The following RBFOX1 variants were observed in gnomAD, a reference collection of about 807,000 sequenced individuals.
The protein encoded by RBFOX1 is RNA binding protein fox-1 homolog 1.
In RBFOX1, 8 loss-of-function variants were observed where a neutral mutation model predicts 57.7. The observed-to-expected ratio is 0.14, with a 90% CI of 0.08 to 0.25. The LOEUF (loss-of-function observed/expected upper bound fraction) is 0.25. Among genes scored for constraint, RBFOX1 ranks in the 10% least tolerant of loss-of-function variants. RBFOX1 has a pLI of 1.00. For missense variants in RBFOX1, 611 were observed against 548.5 expected, an observed-to-expected ratio of 1.11 and a Z score of -1.14; for synonymous variants, 326 against 222.4, an observed-to-expected ratio of 1.47 and a Z score of -4.15.
At chr16:6,885,414 A>G (rs1480431265) in intron 3 of RBFOX1, among the ~76,000 whole-genome samples, 3 of 152,346 alleles carry the variant, frequency 2.0e-5, no homozygotes, top group Admixed American at 2.0e-4. Context: ...TACAAAACCC[A>G]TTTTAATAAC....
At chr16:6,515,327 AT>A (rs2096354063) in intron 2 of RBFOX1, among the ~76,000 whole-genome samples, 1 of 152,188 alleles carries the variant, frequency 6.6e-6, no homozygotes, top group African/African-American at 2.4e-5. Context: ...TGTCAGACAC[AT>A]TGCTTATGCC....
chr16:6,701,507 C>T (rs1367948022), intron 3 of RBFOX1, among the ~76,000 whole-genome samples: 1 of 152,188 alleles, frequency 6.6e-6, no homozygotes, highest in Non-Finnish European at 1.5e-5. Context: ...ACAAGCATGG[C>T]ACCAGCATTT....
At chr16:6,729,488 G>A (rs573170570) in intron 3 of RBFOX1, among the ~76,000 whole-genome samples, 6 of 152,260 alleles carry the variant, frequency 3.9e-5, no homozygotes, top group Admixed American at 2.6e-4. Flanking sequence ...CCATTAAAAT[G>A]TTTTAAAGTG....
At chr16:6,784,576 T>A (rs1356137190) in intron 3 of RBFOX1, among the ~76,000 whole-genome samples, 1 of 152,210 alleles carries the variant, frequency 6.6e-6, no homozygotes, top group African/African-American at 2.4e-5. Context: ...ATTGCCTGTC[T>A]GAGAGGTCAC....
At chr16:5,387,734 C>G (rs1567431511) in intron 1 of RBFOX1, among the ~76,000 whole-genome samples, 2 of 152,192 alleles carry the variant, frequency 1.3e-5, no homozygotes, top group Admixed American at 1.3e-4. Flanking sequence ...ATCCTAATCT[C>G]TGCAACCTGT....
chr16:6,282,914 A>G (rs927383271), intron 1 of RBFOX1, among the ~76,000 whole-genome samples: 1 of 152,226 alleles, frequency 6.6e-6, no homozygotes, highest in African/African-American at 2.4e-5. Context: ...ATTGATCCTT[A>G]CAACCTACTC....
chr16:7,029,274 G>GTA (rs1491586428), intron 3 of RBFOX1, among the ~76,000 whole-genome samples: 2 of 131,290 alleles, frequency 1.5e-5, no homozygotes, highest in Non-Finnish European at 3.2e-5. Context: ...ATACGTATAC[G>GTA]TATATATATA....
Position 5,819,510 on chromosome 16 carries a change from G to A in RBFOX1, c.319-47793G>A, listed in dbSNP as rs373621975. ...GCCACTTCTATGAAACCCTACAGAGGTTTCACTTTGCTTGCAGGAAGCAGT... is the reference window on the plus strand; with the variant it reads ...GCCACTTCTATGAAACCCTACAGAGATTTCACTTTGCTTGCAGGAAGCAGT... On this transcript the variant is annotated intron_variant, in intron 3 of 19. Coordinates refer to the RBFOX1 transcript ENST00000641259. Among the ~76,000 whole-genome samples, 51 of 152,298 alleles carry A rather than the reference G, an allele frequency of 3.3e-4. No homozygotes were observed. The South Asian group carries it at 0.01, about 30-fold the overall frequency.
At chr16:7,531,248 C>T (rs2079993734) in intron 5 of RBFOX1, among the ~76,000 whole-genome samples, 1 of 152,090 alleles carries the variant, frequency 6.6e-6, no homozygotes, top group South Asian at 2.1e-4. Flanking sequence ...AGATGAGGAA[C>T]ATCAAATAGA....
chr16:7,596,094 GT>G (rs78570087), intron 8 of RBFOX1, among the ~76,000 whole-genome samples: 120,515 of 137,604 alleles, frequency 0.88, 52,553 homozygotes, highest in Admixed American at 0.91. Context: ...TTTTTTGTTT[GT>G]TTTTTTTTGT....
At chr16:6,033,748 A>G (rs2095323294) in intron 1 of RBFOX1, among the ~76,000 whole-genome samples, 1 of 152,196 alleles carries the variant, frequency 6.6e-6, no homozygotes, top group African/African-American at 2.4e-5. Flanking sequence ...GAATATCTTC[A>G]ACCGCCACCA....
chr16:6,621,540 A>G (rs535981518), intron 2 of RBFOX1, among the ~76,000 whole-genome samples: 1 of 152,362 alleles, frequency 6.6e-6, no homozygotes, highest in South Asian at 2.1e-4. Flanking sequence ...AAAAATCTCA[A>G]GAGGCTTAAT....
chr16:5,713,348 A>G (rs1440615702), intron 3 of RBFOX1, among the ~76,000 whole-genome samples: 1 of 152,206 alleles, frequency 6.6e-6, no homozygotes, highest in Non-Finnish European at 1.5e-5. Flanking sequence ...ACTTAAGTAC[A>G]GGAATGAGAT....
At chr16:6,771,665 A>G (rs2078320461) in intron 3 of RBFOX1, among the ~76,000 whole-genome samples, 1 of 152,164 alleles carries the variant, frequency 6.6e-6, no homozygotes, top group Non-Finnish European at 1.5e-5. Flanking sequence ...CAATGTCAGG[A>G]GGCATTTTTG....
intron 1 of RBFOX1, among the ~76,000 whole-genome samples, chr16:5,405,780 G>T (rs978680171): frequency 6.6e-6 from 1 of 152,104 alleles, no homozygotes; most frequent in African/African-American, 2.4e-5. Context: ...TGATTGCTTT[G>T]GGTGTGGAGT....
At chr16:7,439,598 C>A (rs538971584) in intron 4 of RBFOX1, among the ~76,000 whole-genome samples, 1 of 152,276 alleles carries the variant, frequency 6.6e-6, no homozygotes, top group Admixed American at 6.5e-5. Flanking sequence ...GCTTTAAATG[C>A]AAAATGTCTT....
At chr16:6,677,846 T>A (rs938985780) in intron 3 of RBFOX1, among the ~76,000 whole-genome samples, 3 of 152,170 alleles carry the variant, frequency 2.0e-5, no homozygotes, top group Non-Finnish European at 2.9e-5. Context: ...TTTTACCCCA[T>A]AAAATTAAAA....
At chr16:7,220,734 C>G (rs145465728) in intron 4 of RBFOX1, among the ~76,000 whole-genome samples, 265 of 149,512 alleles carry the variant, frequency 1.8e-3, no homozygotes, top group Middle Eastern at 0.01. Context: ...TGGATCCTGG[C>G]TGAGTGTGGA....
intron 1 of RBFOX1, among the ~76,000 whole-genome samples, chr16:6,107,106 A>G (rs1393396657): frequency 6.6e-6 from 1 of 152,182 alleles, no homozygotes; most frequent in African/African-American, 2.4e-5. Flanking sequence ...GCTGAGATGA[A>G]CACAGTCCTT....
Sources: allele counts gnomAD v4.1 joint callset (sites outside exome capture counted in the v4.1 genomes callset), GRCh38; gene constraint gnomAD v4.1.1; transcripts MANE v1.5; gene names NCBI Gene and HGNC (gene_info 2026-07-23, HGNC 2026-07-21).